Variants in REDIC1 observed in about 807,000 individuals in gnomAD.
REDIC1 encodes the protein regulator of DNA class I crossover intermediates 1, also known as HEI10 Interacting Protein 1.
At chr12:39,717,618 A>T in the REDIC1 span, among the ~76,000 whole-genome samples, 1 of 152,066 alleles carries the variant, frequency 6.6e-6, no homozygotes. Flanking sequence ...GGTGTAACTT[A>T]TGGAAATACA....
chr12:39,713,305 C>CGTGTATATATGTGTATACACAT, the REDIC1 span, among the ~76,000 whole-genome samples: 1 of 18,702 alleles, frequency 5.3e-5, no homozygotes, highest in Non-Finnish European at 1.4e-4. Context: ...TGTACACACA[C>CGTGTATATATGTGTATACACAT]ATACGTGTAT....
At chr12:39,895,616 A>ATATACGTATACATATATGTATATGCGTG in the REDIC1 span, among the ~76,000 whole-genome samples, 9 of 69,614 alleles carry the variant, frequency 1.3e-4, 2 homozygotes, top group Non-Finnish European at 2.3e-4. Flanking sequence ...ATATACACAT[A>ATATACGTATACATATATGTATATGCGTG]TATACGTACA....
the REDIC1 span, among the ~76,000 whole-genome samples, chr12:39,886,556 C>G: frequency 6.6e-6 from 1 of 151,948 alleles, no homozygotes; most frequent in Non-Finnish European, 1.5e-5. Flanking sequence ...ATTGAACCAT[C>G]TGGCTAATTC....
At chr12:39,746,385 G>A in the REDIC1 span, among the ~76,000 whole-genome samples, 1 of 152,124 alleles carries the variant, frequency 6.6e-6, no homozygotes, top group Non-Finnish European at 1.5e-5. Context: ...GGGGAGGGGT[G>A]CCCACCATTG....
the REDIC1 span, chr12:39,685,047 T>G: frequency 4.9e-6 from 3 of 613,726 alleles, no homozygotes; most frequent in Non-Finnish European, 7.9e-6. Context: ...TTTTATTGGA[T>G]GGACTCTTTT....
chr12:39,775,938 G>A, the REDIC1 span, among the ~76,000 whole-genome samples: 6 of 152,162 alleles, frequency 3.9e-5, no homozygotes, highest in Non-Finnish European at 8.8e-5. Context: ...TTTCCTTTGA[G>A]CATCATGTCA....
At chr12:39,803,999 C>A in the REDIC1 span, among the ~76,000 whole-genome samples, 1 of 151,246 alleles carries the variant, frequency 6.6e-6, no homozygotes, top group African/African-American at 2.4e-5. Flanking sequence ...AGATACAGTA[C>A]AGGAAGAAGA....
At chr12:39,770,622 T>C in the REDIC1 span, among the ~76,000 whole-genome samples, 2 of 152,142 alleles carry the variant, frequency 1.3e-5, no homozygotes, top group Non-Finnish European at 2.9e-5. Flanking sequence ...AATATTCCCA[T>C]CTGGATAAGC....
chr12:39,688,898 T>C, the REDIC1 span, among the ~76,000 whole-genome samples: 10 of 152,234 alleles, frequency 6.6e-5, no homozygotes, highest in African/African-American at 2.4e-5. Flanking sequence ...ATTGTGCTAC[T>C]GAACAAGATT....
chr12:39,827,452 A>G, the REDIC1 span, among the ~76,000 whole-genome samples: 6 of 152,192 alleles, frequency 3.9e-5, no homozygotes, highest in African/African-American at 7.2e-5. Context: ...TATCTCACTC[A>G]GCATTAAAAA....
At chr12:39,646,116 G>C in the REDIC1 span, among the ~76,000 whole-genome samples, 1 of 151,770 alleles carries the variant, frequency 6.6e-6, no homozygotes, top group Non-Finnish European at 1.5e-5. Flanking sequence ...TAATAGGGCA[G>C]CTATAATGAG....
At chr12:39,776,466 C>A in the REDIC1 span, among the ~76,000 whole-genome samples, 1 of 152,148 alleles carries the variant, frequency 6.6e-6, no homozygotes, top group Non-Finnish European at 1.5e-5. Flanking sequence ...GTGCTGTATA[C>A]CAGAGAATGA....
the REDIC1 span, among the ~76,000 whole-genome samples, chr12:39,903,912 C>A: frequency 1.3e-5 from 2 of 152,004 alleles, no homozygotes; most frequent in Non-Finnish European, 2.9e-5. Flanking sequence ...GGACTGATAT[C>A]CCTTGGAGTC....
chr12:39,860,203 C>T, the REDIC1 span, among the ~76,000 whole-genome samples: 1 of 152,108 alleles, frequency 6.6e-6, no homozygotes, highest in East Asian at 1.9e-4. Context: ...TTATTTGGAC[C>T]TCAGTAAGGA....
the REDIC1 span, among the ~76,000 whole-genome samples, chr12:39,785,224 C>G: frequency 6.6e-6 from 1 of 152,130 alleles, no homozygotes; most frequent in South Asian, 2.1e-4. Flanking sequence ...TTTTCTGGGC[C>G]AGGCCTGGGG....
At chr12:39,705,971 G>A in the REDIC1 span, among the ~76,000 whole-genome samples, 8 of 151,946 alleles carry the variant, frequency 5.3e-5, no homozygotes, top group Admixed American at 3.3e-4. Context: ...TCTATCTAGA[G>A]CATGAGACAA....
the REDIC1 span, among the ~76,000 whole-genome samples, chr12:39,664,989 T>G: frequency 6.6e-6 from 1 of 152,344 alleles, no homozygotes; most frequent in African/African-American, 2.4e-5. Flanking sequence ...GTCAGATGGA[T>G]AGATTGCAAA....
the REDIC1 span, among the ~76,000 whole-genome samples, chr12:39,823,367 A>G: frequency 6.6e-6 from 1 of 152,172 alleles, no homozygotes; most frequent in Non-Finnish European, 1.5e-5. Context: ...TGAGTACCTT[A>G]AGATACTGAT....
chr12:39,678,670 C>A, the REDIC1 span, among the ~76,000 whole-genome samples: 1 of 147,664 alleles, frequency 6.8e-6, no homozygotes, highest in East Asian at 2.0e-4. Context: ...GACCAATATT[C>A]CTGATGAATA....
Sources: gnomAD v4.1 joint callset for allele counts (sites outside exome capture counted in the v4.1 genomes callset) on GRCh38, gnomAD v4.1.1 for gene constraint, MANE v1.5 for transcripts, NCBI Gene and HGNC (gene_info 2026-07-23, HGNC 2026-07-21) for gene names.